LMCD1: variants seen among roughly 807,000 people sequenced by gnomAD.
LMCD1 encodes LIM and cysteine-rich domains protein 1.
In LMCD1, 32 loss-of-function variants were observed where a neutral mutation model predicts 42.7. The observed-to-expected ratio is 0.75, with a 90% CI of 0.57 to 1.01. LMCD1 has a LOEUF of 1.01. Ranked by LOEUF, LMCD1 falls within the 50% of genes least tolerant of loss-of-function variation. The probability of loss-of-function intolerance (pLI) is 0.00; values close to 1 mark genes in which losing one functional copy is unlikely to be tolerated. For missense variants in LMCD1, 458 were observed against 483.1 expected, an observed-to-expected ratio of 0.95 and a Z score of 0.49; for synonymous variants, 178 against 184.9, an observed-to-expected ratio of 0.96 and a Z score of 0.30.
chr3:8,531,333 A>C (rs1402312792), intron 1 of LMCD1, among the ~76,000 whole-genome samples: 1 of 152,110 alleles, frequency 6.6e-6, no homozygotes, highest in Non-Finnish European at 1.5e-5. Flanking sequence ...GCACAGCCCA[A>C]ATCCAAAGTC....
intron 4 of LMCD1, chr3:8,550,635 A>G: frequency 3.0e-6 from 3 of 985,180 alleles, no homozygotes; most frequent in Non-Finnish European, 3.6e-6. Context: ...GCAGTGACGC[A>G]TAAAAGGCCC....
At chr3:8,556,061 T>C (rs1042046536) in intron 4 of LMCD1, among the ~76,000 whole-genome samples, 2 of 152,236 alleles carry the variant, frequency 1.3e-5, no homozygotes, top group Non-Finnish European at 2.9e-5. Context: ...TTACTCAATT[T>C]TGTTTTGCTA....
intron 1 of LMCD1, among the ~76,000 whole-genome samples, chr3:8,518,462 G>A (rs1559346322): frequency 6.6e-6 from 1 of 152,174 alleles, no homozygotes. Flanking sequence ...TACCACACAA[G>A]GGATGACACA....
chr3:8,511,876 T>C (rs1325542444), intron 1 of LMCD1, among the ~76,000 whole-genome samples: 3 of 152,096 alleles, frequency 2.0e-5, no homozygotes, highest in Non-Finnish European at 4.4e-5. Context: ...GACTTGAGGC[T>C]CTCCCAAGCC....
intron 3 of LMCD1, among the ~76,000 whole-genome samples, chr3:8,546,425 A>G (rs67367076): frequency 0.11 from 17,180 of 152,194 alleles, 1,147 homozygotes; most frequent in South Asian, 0.22. Flanking sequence ...GGTTCTTTTA[A>G]GTAATCCTAT....
intron 2 of LMCD1, among the ~76,000 whole-genome samples, chr3:8,536,265 G>C (rs867364050): frequency 3.5e-4 from 54 of 152,326 alleles, no homozygotes; most frequent in Admixed American, 3.9e-4. Flanking sequence ...ACCCAGCACA[G>C]CCTGCCCATG....
chr3:8,545,372 G>T (rs1224550741), intron 3 of LMCD1, among the ~76,000 whole-genome samples: 1 of 152,150 alleles, frequency 6.6e-6, no homozygotes, highest in Non-Finnish European at 1.5e-5. Flanking sequence ...GTGAATCTCT[G>T]ACTATAACTT....
intron 4 of LMCD1, chr3:8,551,212 T>TG (rs1257295376): frequency 1.0e-6 from 1 of 984,892 alleles, no homozygotes; most frequent in Non-Finnish European, 1.2e-6. Flanking sequence ...GCTGAGGTCT[T>TG]GTTCATCTCT....
At chr3:8,559,515 A>G (rs1339284545) in intron 4 of LMCD1, among the ~76,000 whole-genome samples, 2 of 152,232 alleles carry the variant, frequency 1.3e-5, no homozygotes, top group Admixed American at 6.5e-5. Context: ...CCAAGGTCAC[A>G]CAGCTATGAA....
chr3:8,574,110 A>G lies in LMCD1; in HGVS notation c.*6512A>G, dbSNP rs1473876009. On this transcript the variant is annotated 3_prime_UTR_variant, in exon 6 of 6. Coordinates refer to ENST00000157600, the MANE Select transcript of LMCD1 (RefSeq NM_014583.4). The stretch of plus-strand genomic sequence containing the variant: ...CCAGATAGTCATAAACACAGCCACC[A>G]GTGGCAGCTGGGCTCACTTTTGTCC... 1 of 152,188 alleles carries G rather than the reference A, an allele frequency of 6.6e-6. No individual in the cohort carries two copies. The highest frequency in any genetic ancestry group is 2.4e-5 in the African/African-American group (1 of 41,458). The allele number at this position is 152,188 out of a possible 1,614,324, so 9.4% of individuals were successfully genotyped here.
At chr3:8,562,348 G>T (rs540100652) in intron 4 of LMCD1, among the ~76,000 whole-genome samples, 18 of 152,262 alleles carry the variant, frequency 1.2e-4, no homozygotes, top group African/African-American at 4.3e-4. Flanking sequence ...CCTTTGCCAT[G>T]CCAGAATGCA....
chr3:8,510,034 T>C (rs1049084691), intron 1 of LMCD1, among the ~76,000 whole-genome samples: 2 of 152,178 alleles, frequency 1.3e-5, no homozygotes, highest in Non-Finnish European at 2.9e-5. Flanking sequence ...AGTACTGATG[T>C]CAGGGACACC....
intron 4 of LMCD1, among the ~76,000 whole-genome samples, chr3:8,559,259 G>C (rs1285532072): frequency 2.0e-5 from 3 of 152,160 alleles, no homozygotes; most frequent in Non-Finnish European, 2.9e-5. Flanking sequence ...CTCCAAACCT[G>C]CCTTCAACAT....
At chr3:8,563,662 G>A (rs1695078839) in intron 4 of LMCD1, among the ~76,000 whole-genome samples, 1 of 152,210 alleles carries the variant, frequency 6.6e-6, no homozygotes, top group Non-Finnish European at 1.5e-5. Flanking sequence ...ACTTGGCCCT[G>A]GAGGAGATGG....
At chr3:8,541,869 G>T (rs935312899) in intron 3 of LMCD1, among the ~76,000 whole-genome samples, 5 of 152,164 alleles carry the variant, frequency 3.3e-5, no homozygotes, top group African/African-American at 1.2e-4. Flanking sequence ...CTGAGGGCTT[G>T]ATTAGCAACG....
intron 4 of LMCD1, among the ~76,000 whole-genome samples, chr3:8,556,367 A>C (rs1464201174): frequency 2.0e-5 from 3 of 152,026 alleles, no homozygotes; most frequent in African/African-American, 7.2e-5. Flanking sequence ...TTTCAGGAGT[A>C]GTAAATATTT....
chr3:8,511,326 T>C (rs541524309), intron 1 of LMCD1, among the ~76,000 whole-genome samples: 28 of 152,356 alleles, frequency 1.8e-4, no homozygotes, highest in African/African-American at 6.7e-4. Context: ...ATTTATTTTG[T>C]CTAAACCTGT....
chr3:8,558,905 C>A (rs1416975782), intron 4 of LMCD1, among the ~76,000 whole-genome samples: 1 of 152,124 alleles, frequency 6.6e-6, no homozygotes, highest in African/African-American at 2.4e-5. Context: ...AATTCTTGTG[C>A]CCCACCCCAG....
chr3:8,562,172 G>C (rs1218880991), intron 4 of LMCD1, among the ~76,000 whole-genome samples: 1 of 152,188 alleles, frequency 6.6e-6, no homozygotes, highest in Non-Finnish European at 1.5e-5. Context: ...GGTCCACCTT[G>C]TCATGGTTTC....
Sources: allele counts gnomAD v4.1 joint callset (sites outside exome capture counted in the v4.1 genomes callset), GRCh38; gene constraint gnomAD v4.1.1; transcripts MANE v1.5; gene names NCBI Gene and HGNC (gene_info 2026-07-23, HGNC 2026-07-21).